TAFA1: variants seen among roughly 807,000 people sequenced by gnomAD.
TAFA1 encodes the protein TAFA chemokine like family member 1, also known as chemokine-like protein TAFA-1.
A neutral mutation model predicts 18.5 loss-of-function variants in TAFA1; 4 were observed. The observed-to-expected ratio is 0.22, with a 90% confidence interval of 0.11 to 0.49. The LOEUF (loss-of-function observed/expected upper bound fraction) is 0.49. TAFA1 is among the 20% of genes least tolerant of loss of function. The pLI is 0.98. For missense variants in TAFA1, 147 were observed against 169.0 expected (o/e 0.87, Z 0.72); for synonymous variants, 56 against 55.2 (o/e 1.01, Z -0.06).
At chr3:68,064,558 A>T (rs1483125236) in intron 2 of TAFA1, among the ~76,000 whole-genome samples, 1 of 152,214 alleles carries the variant, frequency 6.6e-6, no homozygotes, top group Non-Finnish European at 1.5e-5. Context: ...AATGCTTAAC[A>T]TAAATTATGA....
chr3:68,136,268 G>A (rs539195612), intron 2 of TAFA1, among the ~76,000 whole-genome samples: 1 of 152,114 alleles, frequency 6.6e-6, no homozygotes, highest in Non-Finnish European at 1.5e-5. Context: ...AAACAGAAAT[G>A]CTATATAGGA....
chr3:68,245,913 G>T (rs2067068249), intron 2 of TAFA1, among the ~76,000 whole-genome samples: 2 of 152,210 alleles, frequency 1.3e-5, no homozygotes, highest in South Asian at 4.1e-4. Context: ...GGCTCATCTA[G>T]GACAGCCAGG....
chr3:68,197,449 T>C (rs2066423709), intron 2 of TAFA1, among the ~76,000 whole-genome samples: 1 of 151,638 alleles, frequency 6.6e-6, no homozygotes, highest in African/African-American at 2.4e-5. Flanking sequence ...AAGGACAAGC[T>C]CCTATGGGGT....
chr3:68,128,953 C>T (rs1194502411), intron 2 of TAFA1, among the ~76,000 whole-genome samples: 2 of 152,154 alleles, frequency 1.3e-5, no homozygotes, highest in East Asian at 1.9e-4. Context: ...GTAAAATTAC[C>T]TCAGTAGGTC....
At chr3:68,214,864 T>C (rs1390983846) in intron 2 of TAFA1, among the ~76,000 whole-genome samples, 2 of 151,942 alleles carry the variant, frequency 1.3e-5, no homozygotes, top group African/African-American at 2.4e-5. Flanking sequence ...TTTTTTTAAG[T>C]GGGAAGAAAA....
chr3:68,317,830 CTGTTTTTATTTATTATTTAA>C (rs1436370073), intron 2 of TAFA1, among the ~76,000 whole-genome samples: 13 of 152,186 alleles, frequency 8.5e-5, no homozygotes, highest in African/African-American at 3.1e-4. Flanking sequence ...TTTATATTTG[CTGTTTTTATTTATTATTTAA>C]TGTTGTACTT....
intron 2 of TAFA1, among the ~76,000 whole-genome samples, chr3:68,258,804 G>A (rs1332226321): frequency 6.6e-6 from 1 of 152,188 alleles, no homozygotes. Context: ...GGATGTCACA[G>A]AACTGAACTC....
chr3:68,065,902 G>A (rs1257678582), intron 2 of TAFA1, among the ~76,000 whole-genome samples: 3 of 151,986 alleles, frequency 2.0e-5, no homozygotes, highest in Admixed American at 1.3e-4. Context: ...CCATACAATA[G>A]GATGCTCAGC....
chr3:68,472,059 G>C (rs950876351), intron 3 of TAFA1, among the ~76,000 whole-genome samples: 1 of 152,124 alleles, frequency 6.6e-6, no homozygotes, highest in Non-Finnish European at 1.5e-5. Context: ...GTTTTGAAAT[G>C]TGAGGACATG....
chr3:68,303,695 C>T (rs757267644), intron 2 of TAFA1, among the ~76,000 whole-genome samples: 3 of 152,090 alleles, frequency 2.0e-5, no homozygotes, highest in Admixed American at 2.0e-4. Flanking sequence ...GTGATCCGCC[C>T]GCCTTTGCCT....
rs754943693 is a variant in TAFA1 at position 68,540,096 on chromosome 3, T to C, written c.384+1216T>C. ...TCACTTTTTCAGTGAATAAAATTGG[T>C]TCTTTCGTCTTTGTGATGCAGAAGA... On this transcript the variant is annotated intron_variant, in intron 4 of 4. Transcript: ENST00000478136. Among the ~76,000 whole-genome samples the C allele has an allele frequency of 5.9e-5, 9 of 152,214 alleles. No individual in the cohort carries two copies. In the South Asian group the frequency reaches 6.2e-4, roughly 11 times the overall value.
At chr3:68,261,385 T>C (rs1376806621) in intron 2 of TAFA1, among the ~76,000 whole-genome samples, 1 of 152,168 alleles carries the variant, frequency 6.6e-6, no homozygotes, top group Admixed American at 6.5e-5. Flanking sequence ...GAACTAGAAA[T>C]ACCATTTGAC....
At chr3:68,537,960 A>C (rs1352696970) in intron 3 of TAFA1, among the ~76,000 whole-genome samples, 1 of 152,126 alleles carries the variant, frequency 6.6e-6, no homozygotes, top group Non-Finnish European at 1.5e-5. Context: ...AGGCTCCCTG[A>C]AGTCTTCGAG....
At chr3:68,034,752 G>C (rs528154577) in intron 2 of TAFA1, among the ~76,000 whole-genome samples, 14 of 152,254 alleles carry the variant, frequency 9.2e-5, no homozygotes, top group Admixed American at 7.2e-4. Context: ...GGAGGAGAAA[G>C]ATACTGGGAA....
intron 2 of TAFA1, among the ~76,000 whole-genome samples, chr3:68,160,249 G>A (rs2065909770): frequency 6.6e-6 from 1 of 152,164 alleles, no homozygotes; most frequent in Non-Finnish European, 1.5e-5. Context: ...GGGACCAATA[G>A]TAAATATTTA....
chr3:68,106,285 A>G (rs1439207586), intron 2 of TAFA1, among the ~76,000 whole-genome samples: 1 of 152,162 alleles, frequency 6.6e-6, no homozygotes, highest in Non-Finnish European at 1.5e-5. Context: ...CTTTTAGGAA[A>G]GTGCTATCCA....
chr3:68,026,950 C>T (rs980448822), intron 2 of TAFA1, among the ~76,000 whole-genome samples: 1 of 152,050 alleles, frequency 6.6e-6, no homozygotes, highest in East Asian at 1.9e-4. Flanking sequence ...AGGAAGCTTC[C>T]AATCATGGCA....
In TAFA1 at chr3:68,302,890, ACCTAAGTTCTAT is replaced by A. The variant is rs2068331260; in HGVS notation, c.119-114387_119-114376del. Among the ~76,000 whole-genome samples, 5 of 152,128 alleles carry A rather than the reference ACCTAAGTTCTAT, an allele frequency of 3.3e-5. No homozygotes were observed. In the South Asian group the frequency reaches 1.0e-3, roughly 32 times the overall value. On this transcript the variant is annotated intron_variant, in intron 2 of 4. Coordinates refer to ENST00000478136, the MANE Select transcript of TAFA1 (RefSeq NM_213609.4). Reference sequence around the variant, plus strand: ...AAAATAAGGGTTCTAGAGCCAAAACACCTAAGTTCTATCCAAGTTCTACTACTAACTGTCCAT... The same window carrying A: ...AAAATAAGGGTTCTAGAGCCAAAACACCAAGTTCTACTACTAACTGTCCAT...
intron 2 of TAFA1, among the ~76,000 whole-genome samples, chr3:68,099,734 A>C (rs1365274768): frequency 6.6e-6 from 1 of 152,194 alleles, no homozygotes; most frequent in Non-Finnish European, 1.5e-5. Flanking sequence ...TAGCAAAGAC[A>C]TATAATCAAC....
Sources: gnomAD v4.1 joint callset for allele counts (sites outside exome capture counted in the v4.1 genomes callset) on GRCh38, gnomAD v4.1.1 for gene constraint, MANE v1.5 for transcripts, NCBI Gene and HGNC (gene_info 2026-07-23, HGNC 2026-07-21) for gene names.